Variants in SART1 observed in about 807,000 individuals in gnomAD.
SART1 encodes the protein U4/U6.U5 tri-snRNP-associated protein 1.
In SART1, 28 loss-of-function variants were observed where a neutral mutation model predicts 105.0. The ratio of observed to expected loss-of-function variants is 0.27; its 90% confidence interval spans 0.20 to 0.37. The LOEUF is 0.37. SART1 is among the 10% of genes least tolerant of loss of function. SART1 has a pLI of 1.00. For missense variants in SART1, 894 were observed against 1,106.5 expected (o/e 0.81, Z 2.72); for synonymous variants, 472 against 462.9 (o/e 1.02, Z -0.25).
rs1478676384 is a variant in SART1 at position 65,976,676 on chromosome 11, G to T, written c.1767G>T (p.Glu589Asp). The T allele has an allele frequency of 1.2e-6, 2 of 1,613,764 alleles. No individual in the cohort carries two copies. The highest frequency in any genetic ancestry group is 1.7e-6 in the Non-Finnish European group (2 of 1,179,928). Residue 589 changes from glutamate (E) to aspartate (D), a missense_variant, in exon 14 of 20, where the codon GAG (glutamate) becomes GAT (aspartate). Coordinates refer to ENST00000312397, the MANE Select transcript of SART1 (RefSeq NM_005146.5). The surrounding 1 kb of genome is among the most constrained non-coding windows in gnomAD (Gnocchi z 5.1). ...EELMDFERDE[E>D]RSANGGSESD... Reference sequence around the variant, plus strand: ...CCCAGGACTTTGAACGGGATGAGGAGCGCTCAGCCAACGGTGGCTCCGAAT... The same window carrying T: ...CCCAGGACTTTGAACGGGATGAGGATCGCTCAGCCAACGGTGGCTCCGAAT...
At chr11:65,970,385 G>T (rs1236448735) in intron 12 of SART1, among the ~76,000 whole-genome samples, 2 of 152,134 alleles carry the variant, frequency 1.3e-5, no homozygotes, top group African/African-American at 4.8e-5. Flanking sequence ...TTTCCCACCC[G>T]CAAAGGAGCC....
At chr11:65,968,369 G>A (rs188965763) in intron 12 of SART1, among the ~76,000 whole-genome samples, 2 of 152,328 alleles carry the variant, frequency 1.3e-5, no homozygotes, top group African/African-American at 4.8e-5. Flanking sequence ...GTAGTGCATT[G>A]TTCTTGGGCT....
rs772633675 is a variant in SART1, at chr11:65,963,484, T to G, written c.314-590T>G. ...AGGAAAGGAAGAGTTTTTTTTTTGT[T>G]TTGTTTTGTTTTTTTGAGACAAAGT... On this transcript the variant is annotated intron_variant, in intron 1 of 19. Transcript: ENST00000312397. 6.1e-4 allele frequency among the ~76,000 whole-genome samples: 92 copies of G among 151,384 alleles called. 1 individual carries two copies. The highest frequency in any genetic ancestry group is 5.8e-4 in the East Asian group (3 of 5,158).
chr11:65,962,126 C>CTGGGGGGGGGGGGGGGGG, intron 1 of SART1, 33 bp downstream of exon 1: 8 of 25,818 alleles, frequency 3.1e-4, no homozygotes, highest in South Asian at 1.0e-3. Flanking sequence ...GGGGGCGGGT[C>CTGGGGGGGGGGGGGGGGG]GGGCGGGGGT....
Position 65,961,923 on chromosome 11 carries a change from G to C in SART1, c.143G>C (p.Ser48Thr). The change falls in exon 1 of 20, where the codon AGC becomes ACC. Residue 48 changes from serine (S) to threonine (T), a missense_variant. Physicochemically the swap from Ser to Thr is moderately conservative, Grantham distance 58. Around this residue, in one of 2 missense-constraint regions of SART1, gnomAD observed 712 missense variants for 778.2 expected, o/e 0.91. Coordinates refer to ENST00000312397, the MANE Select transcript of SART1 (RefSeq NM_005146.5). ...HKHRSGGSGG[S>T]GGERRKRSRE... ...CACCGGAGTGGCGGCAGTGGCGGTAGCGGTGGCGAACGACGGAAGCGGAGC... is the reference window on the plus strand; with the variant it reads ...CACCGGAGTGGCGGCAGTGGCGGTACCGGTGGCGAACGACGGAAGCGGAGC... 1 of 1,534,148 alleles carries C rather than the reference G, an allele frequency of 6.5e-7. No homozygotes were observed. The highest frequency in any genetic ancestry group is 8.8e-7 in the Non-Finnish European group (1 of 1,139,280).
rs959297537 is a variant in SART1, at chr11:65,962,004, G to A, written c.224G>A (p.Arg75Gln). 5 of 1,514,652 alleles carry A rather than the reference G, an allele frequency of 3.3e-6. No homozygotes were observed. In the Admixed American group the frequency reaches 6.3e-5, roughly 19 times the overall value. The allele number at this position is 1,514,652 out of a possible 1,614,324, so 93.8% of individuals were successfully genotyped here. Residue 75 changes from arginine to glutamine, a missense_variant, in exon 1 of 20, where the codon CGG becomes CAG. Coordinates refer to ENST00000312397, the MANE Select transcript of SART1 (RefSeq NM_005146.5). ...SGRRGAEAEA[R>Q]SSTHGRERSQ... ...CGGCGCGGGGCCGAAGCTGAGGCCC[G>A]GAGCAGCACGCACGGGCGGGAGCGC... is the stretch of plus-strand genomic sequence containing the variant.
At chr11:65,963,509 TC>T (rs1221332557) in intron 1 of SART1, among the ~76,000 whole-genome samples, 6 of 151,602 alleles carry the variant, frequency 4.0e-5, no homozygotes, top group African/African-American at 1.5e-4. Flanking sequence ...TGAGACAAAG[TC>T]TTGCTCCATT....
chr11:65,961,846 CG>C lies in SART1; in HGVS notation c.71del (p.Gly24ValfsTer70). ...AAGTTAAAGT[G>X]GATEQPPRHR... Reference sequence around the variant, plus strand: ...CCGGGACGACGGCGGCGGCCGGCACCGGGGGTGCCACCGAGCAGCCGCCGCG... The same window carrying C: ...CCGGGACGACGGCGGCGGCCGGCACCGGGGTGCCACCGAGCAGCCGCCGCG... On this transcript the variant is annotated frameshift_variant, in exon 1 of 20. Transcript: ENST00000312397. LOFTEE classifies it high-confidence loss of function. 6.4e-7 allele frequency: 1 copy of C among 1,574,622 alleles called. No individual in the cohort carries two copies. The highest frequency in any genetic ancestry group is 1.1e-5 in the South Asian group (1 of 87,364).
chr11:65,978,028 T>A lies in SART1; in HGVS notation c.2172+129T>A, dbSNP rs1043889290. On this transcript the variant is annotated intron_variant, in intron 17 of 19. Transcript: ENST00000312397. The surrounding 1 kb of genome is among the most constrained non-coding windows in gnomAD (Gnocchi z 6.8). Reference sequence around the variant, plus strand: ...CACCAGCCTCTGGCTGGGGGCCTGGTGAATGCCACGGATGGGGAGGGGGCC... The same window carrying A: ...CACCAGCCTCTGGCTGGGGGCCTGGAGAATGCCACGGATGGGGAGGGGGCC... 1 of 1,018,518 alleles carries A rather than the reference T, an allele frequency of 9.8e-7. No homozygotes were observed. Among genetic ancestry groups the A allele is most frequent in the Non-Finnish European group, 1.4e-6 (1 of 703,580 alleles). The allele number at this position is 1,018,518 out of a possible 1,614,324, so 63.1% of individuals were successfully genotyped here. A position where few individuals can be genotyped will look rare whatever the true frequency, so the allele number is the denominator to read the frequency against.
chr11:65,969,653 G>T (rs1436406428), intron 12 of SART1, among the ~76,000 whole-genome samples: 1 of 152,116 alleles, frequency 6.6e-6, no homozygotes, highest in African/African-American at 2.4e-5. Flanking sequence ...GAGCTCAAAC[G>T]ATCCTCTCGC....
chr11:65,979,486 C>T lies in SART1; in HGVS notation c.*456C>T. The T allele has an allele frequency of 4.7e-6, 1 of 211,824 alleles. No individual in the cohort carries two copies. The highest frequency in any genetic ancestry group is 9.5e-6 in the Non-Finnish European group (1 of 105,026). The allele number at this position is 211,824 out of a possible 1,614,324, so 13.1% of individuals were successfully genotyped here. ...CCTGGCTGTCCTGTGCCACCCTGGT[C>T]TGTGTCTAGAGGAGTGAAACTCCCA... On this transcript the variant is annotated 3_prime_UTR_variant, in exon 20 of 20. Coordinates refer to ENST00000312397, the MANE Select transcript of SART1 (RefSeq NM_005146.5).
In SART1 at chr11:65,965,345, G is replaced by A. The variant is rs1465090416; in HGVS notation, c.558G>A (p.Lys186=). 11 of 1,592,848 alleles carry A rather than the reference G, an allele frequency of 6.9e-6. No individual in the cohort carries two copies. The South Asian group carries it at 7.9e-5, about 11-fold the overall frequency. ...CATCACTTTTTCCCCTCTTCAGGAA[G>A]ATAAAGACCCTAGGAGAGGATGACC... The part of the protein sequence containing the change: ...EKRLLNQKLG[K]IKTLGEDDPW... The change falls in exon 5 of 20, where the codon AAG becomes AAA. Residue 186 remains lysine, a synonymous_variant. Transcript: ENST00000312397.
chr11:65,977,930 G>C (rs753418902), intron 17 of SART1, 31 bp downstream of exon 17: 1 of 1,578,486 alleles, frequency 6.3e-7, no homozygotes, highest in Non-Finnish European at 8.6e-7. Flanking sequence ...GCGGAGGCCC[G>C]GCCTGCCACA....
chr11:65,976,241 C>G lies in SART1; in HGVS notation c.1573-154C>G, dbSNP rs938792264. 6.6e-6 allele frequency among the ~76,000 whole-genome samples: 1 copy of G among 152,124 alleles called. No individual in the cohort carries two copies. Among genetic ancestry groups the G allele is most frequent in the Non-Finnish European group, 1.5e-5 (1 of 68,028 alleles). On this transcript the variant is annotated intron_variant, in intron 12 of 19. Coordinates refer to ENST00000312397, the MANE Select transcript of SART1 (RefSeq NM_005146.5). This position sits in a 1 kb window ranked among gnomAD's most constrained non-coding sequence, Gnocchi z 5.1. ...AAGAGTGACCCCAGTGAAAGAGGTG[C>G]AGAGTGGAGTTAGGCGGCAGATAGC...
At chr11:65,974,193 T>A in intron 12 of SART1, among the ~76,000 whole-genome samples, 2 of 97,706 alleles carry the variant, frequency 2.0e-5, no homozygotes, top group South Asian at 4.0e-4. Context: ...AAACCCCCTC[T>A]CTACTAAAAA....
In SART1 at chr11:65,965,880, C is replaced by T. The variant is rs1230164839; in HGVS notation, c.739-7C>T. The T allele has an allele frequency of 6.2e-7, 1 of 1,613,910 alleles. No individual in the cohort carries two copies. The highest frequency in any genetic ancestry group is 1.7e-5 in the Admixed American group (1 of 60,000). ...GGAGGTTCCTGACTCGCCGATTCTT[C>T]CCTTAGGACCTGTACAGTGCCCGGG... On this transcript the variant is annotated splice_region_variant and splice_polypyrimidine_tract_variant and intron_variant, in intron 6 of 19. Coordinates refer to ENST00000312397, the MANE Select transcript of SART1 (RefSeq NM_005146.5).
At chr11:65,969,552 G>A (rs1488121819) in intron 12 of SART1, among the ~76,000 whole-genome samples, 1 of 151,882 alleles carries the variant, frequency 6.6e-6, no homozygotes, top group East Asian at 1.9e-4. Context: ...TGGGCTCAAG[G>A]GATCCTCCTG....
Position 65,962,105 on chromosome 11 carries a change from G to A in SART1, c.313+12G>A, listed in dbSNP as rs544620509. The A allele has an allele frequency of 5.4e-5, 76 of 1,412,538 alleles. No individual in the cohort carries two copies. In the South Asian group the frequency reaches 1.1e-3, roughly 20 times the overall value. 87.5% of individuals were successfully genotyped at this position (1,412,538 alleles called of 1,614,324 possible). A position where few individuals can be genotyped will look rare whatever the true frequency, so the allele number is the denominator to read the frequency against. ...CGGCTACGAGGCCGGTGAGGAGGCG[G>A]GGCCTGCGCAGGGGGCGGGTCGGGC... On this transcript the variant is annotated intron_variant, in intron 1 of 19. Coordinates refer to ENST00000312397, the MANE Select transcript of SART1 (RefSeq NM_005146.5).
chr11:65,971,585 G>A (rs1252240252), intron 12 of SART1, among the ~76,000 whole-genome samples: 1 of 90,816 alleles, frequency 1.1e-5, no homozygotes, highest in Non-Finnish European at 2.4e-5. Flanking sequence ...CTGCTGAAGA[G>A]GGGGATGGTG....
Sources: allele counts gnomAD v4.1 joint callset (sites outside exome capture counted in the v4.1 genomes callset), GRCh38; gene constraint gnomAD v4.1.1; regional missense constraint gnomAD v4.1.1; non-coding constraint Gnocchi (gnomAD v3.1); transcripts MANE v1.5; gene names NCBI Gene and HGNC (gene_info 2026-07-23, HGNC 2026-07-21).